The following RPSA2 variants were observed in gnomAD, a reference collection of about 807,000 sequenced individuals.
RPSA2 encodes ribosomal protein SA 2, also known as small ribosomal subunit protein uS2B.
At chr19:23,761,048 ATGTG>A in the RPSA2 span, among the ~76,000 whole-genome samples, 1 of 3,362 alleles carries the variant, frequency 3.0e-4, no homozygotes, top group African/African-American at 3.6e-4. Context: ...TAGGGTATAT[ATGTG>A]TATATATATA....
the RPSA2 span, among the ~76,000 whole-genome samples, chr19:23,867,829 C>CAAA: frequency 3.1e-4 from 38 of 121,366 alleles, no homozygotes; most frequent in African/African-American, 1.0e-3. Flanking sequence ...GACTCCGTCT[C>CAAA]AAAAAAAAAA....
At chr19:23,855,976 G>A in the RPSA2 span, among the ~76,000 whole-genome samples, 3 of 152,088 alleles carry the variant, frequency 2.0e-5, no homozygotes, top group Non-Finnish European at 4.4e-5. Flanking sequence ...CACAAGTATT[G>A]GTTCTTCATG....
chr19:23,869,484 G>T, the RPSA2 span, among the ~76,000 whole-genome samples: 2 of 152,270 alleles, frequency 1.3e-5, no homozygotes, highest in Non-Finnish European at 2.9e-5. Flanking sequence ...CATTGACCCA[G>T]TGTCTTGGCC....
chr19:23,812,292 A>C, the RPSA2 span, among the ~76,000 whole-genome samples: 1 of 152,056 alleles, frequency 6.6e-6, no homozygotes, highest in African/African-American at 2.4e-5. Flanking sequence ...TGTCTATCAC[A>C]ATCAGATATG....
the RPSA2 span, among the ~76,000 whole-genome samples, chr19:23,858,640 C>G: frequency 6.6e-6 from 1 of 152,122 alleles, no homozygotes; most frequent in Non-Finnish European, 1.5e-5. Context: ...ACATAGATAA[C>G]CAAGGTGGAA....
the RPSA2 span, among the ~76,000 whole-genome samples, chr19:23,854,445 G>T: frequency 6.6e-6 from 1 of 152,194 alleles, no homozygotes. Context: ...AAATTTGTTT[G>T]TGCTGGGGGC....
At chr19:23,764,820 C>T in the RPSA2 span, among the ~76,000 whole-genome samples, 13 of 151,806 alleles carry the variant, frequency 8.6e-5, no homozygotes, top group East Asian at 3.9e-4. Flanking sequence ...AAAAAGTCTG[C>T]GCCTCTCCTT....
the RPSA2 span, chr19:23,782,245 G>A: frequency 6.6e-6 from 1 of 152,122 alleles, no homozygotes; most frequent in Admixed American, 6.6e-5. Flanking sequence ...ACATACTATT[G>A]GGTCCAGCAC....
chr19:23,830,381 G>A, the RPSA2 span, among the ~76,000 whole-genome samples: 2 of 152,274 alleles, frequency 1.3e-5, no homozygotes, highest in East Asian at 3.9e-4. Context: ...CTGACCTCAG[G>A]TGATCCGTCC....
At chr19:23,826,988 G>A in the RPSA2 span, 1 of 619,924 alleles carries the variant, frequency 1.6e-6, no homozygotes, top group Non-Finnish European at 2.9e-6. Flanking sequence ...CCGTGCCTGG[G>A]AAGAATTTTT....
chr19:23,805,008 T>A, the RPSA2 span, among the ~76,000 whole-genome samples: 1 of 18,462 alleles, frequency 5.4e-5, no homozygotes, highest in Non-Finnish European at 1.1e-4. Flanking sequence ...CAGGAACCTG[T>A]TCTGTTTGGG....
At chr19:23,833,527 G>T in the RPSA2 span, among the ~76,000 whole-genome samples, 1 of 152,086 alleles carries the variant, frequency 6.6e-6, no homozygotes, top group Non-Finnish European at 1.5e-5. Flanking sequence ...TGTAGGTAAG[G>T]TAATTCATAC....
the RPSA2 span, among the ~76,000 whole-genome samples, chr19:23,864,221 C>A: frequency 6.6e-6 from 1 of 152,212 alleles, no homozygotes; most frequent in African/African-American, 2.4e-5. Context: ...TAAGACACAA[C>A]GCATGGCCTG....
At chr19:23,775,527 T>C in the RPSA2 span, among the ~76,000 whole-genome samples, 1 of 152,186 alleles carries the variant, frequency 6.6e-6, no homozygotes, top group East Asian at 1.9e-4. Context: ...CAGAGAGTGT[T>C]CTAACTAGGC....
At chr19:23,814,085 G>A in the RPSA2 span, among the ~76,000 whole-genome samples, 21 of 151,326 alleles carry the variant, frequency 1.4e-4, no homozygotes, top group Non-Finnish European at 2.7e-4. Flanking sequence ...TGTGGCAGGC[G>A]CCTGTAATCC....
chr19:23,765,611 GAAC>G, the RPSA2 span, among the ~76,000 whole-genome samples: 32 of 152,106 alleles, frequency 2.1e-4, no homozygotes, highest in Non-Finnish European at 4.4e-4. Flanking sequence ...CCGTAGAGGG[GAAC>G]AACACATACT....
chr19:23,822,143 T>C, the RPSA2 span, among the ~76,000 whole-genome samples: 6 of 152,288 alleles, frequency 3.9e-5, 1 homozygote, highest in Middle Eastern at 0.01. Context: ...TCCCATCAAT[T>C]CGCTGGAGTA....
chr19:23,852,223 G>A, the RPSA2 span, among the ~76,000 whole-genome samples: 1,804 of 152,274 alleles, frequency 0.012, 40 homozygotes, highest in African/African-American at 0.04. Context: ...TCTTCATGCA[G>A]CATAGAAAAC....
chr19:23,827,426 A>T, the RPSA2 span: 1 of 1,477,750 alleles, frequency 6.8e-7, no homozygotes, highest in South Asian at 1.1e-5. Flanking sequence ...GGCTGTGCTG[A>T]AGTTTGCTGC....
Sources: gnomAD v4.1 joint callset for allele counts (sites outside exome capture counted in the v4.1 genomes callset) on GRCh38, gnomAD v4.1.1 for gene constraint, MANE v1.5 for transcripts, NCBI Gene and HGNC (gene_info 2026-07-23, HGNC 2026-07-21) for gene names.